DSCAM: variants seen among roughly 807,000 people sequenced by gnomAD.
DSCAM encodes DS cell adhesion molecule, also known as cell adhesion molecule DSCAM.
In DSCAM, 47 loss-of-function variants were observed where a neutral mutation model predicts 217.7. That is an observed-to-expected ratio of 0.22 (90% CI 0.17 to 0.28). The LOEUF (loss-of-function observed/expected upper bound fraction) is 0.28, where lower values mean the gene tolerates loss of function less well. Among genes scored for constraint, DSCAM ranks in the 10% least tolerant of loss-of-function variants. The probability of loss-of-function intolerance (pLI) is 1.00; values close to 1 mark genes in which losing one functional copy is unlikely to be tolerated. For missense variants in DSCAM, 2,080 were observed against 2,618.3 expected (o/e 0.79, Z 4.49); for synonymous variants, 1,056 against 1,015.3 (o/e 1.04, Z -0.76).
At chr21:40,124,002 T>C (rs1440120382) in intron 20 of DSCAM, among the ~76,000 whole-genome samples, 193 bp downstream of exon 20, 1 of 152,130 alleles carries the variant, frequency 6.6e-6, no homozygotes, top group Non-Finnish European at 1.5e-5. Context: ...CCCCTTGTCA[T>C]GATTCAGGAG....
intron 11 of DSCAM, among the ~76,000 whole-genome samples, chr21:40,249,093 G>A (rs1370081096): frequency 6.6e-6 from 1 of 152,184 alleles, no homozygotes; most frequent in Non-Finnish European, 1.5e-5. Context: ...TACAATTCTA[G>A]TAGAGATTTG....
intron 3 of DSCAM, among the ~76,000 whole-genome samples, chr21:40,426,446 A>G (rs967939548): frequency 1.3e-5 from 2 of 152,150 alleles, no homozygotes; most frequent in African/African-American, 4.8e-5. Context: ...CACGGCATCT[A>G]TGTGTCTATA....
intron 3 of DSCAM, chr21:40,618,686 A>G (rs1303546210): frequency 6.6e-6 from 1 of 152,020 alleles, no homozygotes; most frequent in African/African-American, 2.4e-5. Flanking sequence ...GTGGAGAAAC[A>G]AAAGAGGCTC....
intron 1 of DSCAM, among the ~76,000 whole-genome samples, chr21:40,713,251 T>A (rs2090802725): frequency 6.6e-6 from 1 of 152,164 alleles, no homozygotes; most frequent in Non-Finnish European, 1.5e-5. Flanking sequence ...TTTTCACTGG[T>A]GTCATATAGG....
Position 40,013,144 on chromosome 21 carries a change from C to T in DSCAM, c.5929G>A (p.Ala1977Thr), listed in dbSNP as rs1193299374. 6.2e-7 allele frequency: 1 copy of T among 1,613,322 alleles called. No homozygotes were observed. Among genetic ancestry groups the T allele is most frequent in the South Asian group, 1.1e-5 (1 of 90,860 alleles). The stretch of plus-strand genomic sequence containing the variant: ...ATTTTAGCTGCCTGTCCCAGCTCTG[C>T]TCCCTCCCGCTGAGGTAATGTGGCC... The part of the protein sequence containing the change: ...AVATLPQREG[A>T]ELGQAAKMSS... The change falls in exon 33 of 33, where the codon GCA becomes ACA. Residue 1977 changes from alanine (A) to threonine (T), a missense_variant. Ala to Thr is a moderately conservative substitution (Grantham distance 58). This residue lies in a region of DSCAM where 145 missense variants were observed against 138.5 expected (regional missense o/e 1.05). Coordinates refer to ENST00000400454, the MANE Select transcript of DSCAM (RefSeq NM_001389.5).
At chr21:40,817,999 G>A (rs934623601) in intron 1 of DSCAM, among the ~76,000 whole-genome samples, 1 of 150,072 alleles carries the variant, frequency 6.7e-6, no homozygotes, top group African/African-American at 2.5e-5. Context: ...GGGAGGCTGA[G>A]GCAGGAGAAT....
intron 3 of DSCAM, among the ~76,000 whole-genome samples, chr21:40,619,126 AAGTAG>A (rs1253626252): frequency 1.3e-5 from 2 of 152,226 alleles, no homozygotes; most frequent in Non-Finnish European, 2.9e-5. Flanking sequence ...CATTTAAAAA[AAGTAG>A]AGTAAATAGC....
intron 2 of DSCAM, among the ~76,000 whole-genome samples, chr21:40,705,580 GGAGA>G (rs1381098337): frequency 1.3e-5 from 2 of 152,184 alleles, no homozygotes; most frequent in South Asian, 2.1e-4. Context: ...CAGGGTGGCA[GGAGA>G]GAGAATGAAT....
chr21:40,197,094 C>T lies in DSCAM; in HGVS notation c.2357-7856G>A, dbSNP rs11911836. Among the ~76,000 whole-genome samples the T allele has an allele frequency of 4.0e-3, 609 of 151,876 alleles. 5 individuals carry two copies. The highest frequency in any genetic ancestry group is 0.014 in the African/African-American group (591 of 41,316). ...TTAATTTCTACTTGACATCTTCTCC[C>T]CTTTCTCCTTAATTTCTTTCTTTCT... On this transcript the variant is annotated intron_variant, in intron 11 of 32. Transcript: ENST00000400454.
chr21:40,799,480 A>G (rs1193815819), intron 1 of DSCAM, among the ~76,000 whole-genome samples: 1 of 152,216 alleles, frequency 6.6e-6, no homozygotes, highest in Non-Finnish European at 1.5e-5. Flanking sequence ...GTGGCTTTAA[A>G]CAATGCAGAT....
At chr21:40,596,793 A>T (rs1188330778) in intron 3 of DSCAM, among the ~76,000 whole-genome samples, 1 of 152,186 alleles carries the variant, frequency 6.6e-6, no homozygotes, top group Non-Finnish European at 1.5e-5. Context: ...ACCTGACCAC[A>T]TTACAGTTTT....
chr21:40,537,768 A>G (rs2146124846), intron 3 of DSCAM, among the ~76,000 whole-genome samples: 1 of 152,306 alleles, frequency 6.6e-6, no homozygotes, highest in South Asian at 2.1e-4. Flanking sequence ...ACTCTCTCTC[A>G]GCCTCAGAGG....
chr21:40,402,380 T>A (rs533470225), intron 3 of DSCAM, among the ~76,000 whole-genome samples: 5 of 152,050 alleles, frequency 3.3e-5, no homozygotes, highest in African/African-American at 1.2e-4. Flanking sequence ...AAATATATTA[T>A]TTTTAAGACA....
intron 28 of DSCAM, among the ~76,000 whole-genome samples, chr21:40,060,874 GA>G (rs2146516186): frequency 6.6e-6 from 1 of 152,152 alleles, no homozygotes; most frequent in Non-Finnish European, 1.5e-5. Context: ...TGTTTTATCA[GA>G]TCTGCTTAAC....
chr21:40,050,503 G>C (rs2088912512), intron 30 of DSCAM, among the ~76,000 whole-genome samples: 1 of 149,350 alleles, frequency 6.7e-6, no homozygotes, highest in Non-Finnish European at 1.5e-5. Flanking sequence ...TTTTTTTGGA[G>C]ACAGAGTCTC....
chr21:40,745,117 A>C (rs183407679), intron 1 of DSCAM, among the ~76,000 whole-genome samples: 18 of 152,264 alleles, frequency 1.2e-4, no homozygotes, highest in African/African-American at 3.6e-4. Context: ...CAGAGGAGAA[A>C]AATCTTTAAA....
intron 32 of DSCAM, among the ~76,000 whole-genome samples, chr21:40,027,204 C>T (rs2088408113): frequency 6.6e-6 from 1 of 152,384 alleles, no homozygotes; most frequent in East Asian, 1.9e-4. Flanking sequence ...GAATATTGGC[C>T]CCCACTCTCT....
In DSCAM at chr21:40,290,487, A is replaced by G. The variant is rs377421997; in HGVS notation, c.2182+5568T>C. 5.9e-4 allele frequency among the ~76,000 whole-genome samples: 90 copies of G among 152,250 alleles called. No individual in the cohort carries two copies. In the South Asian group the frequency reaches 8.9e-3, roughly 15 times the overall value. On this transcript the variant is annotated intron_variant, in intron 10 of 32. Transcript: ENST00000400454. ...AATACAAAAATTAGCTGGGCATGGT[A>G]GTGCATGGCTATAGTCCCAGCTGCT...
At chr21:40,082,367 G>A (rs1012299791) in intron 24 of DSCAM, among the ~76,000 whole-genome samples, 4 of 152,240 alleles carry the variant, frequency 2.6e-5, no homozygotes, top group Admixed American at 2.0e-4. Flanking sequence ...GGCTGAGGCA[G>A]GAGAATCACT....
Sources: allele counts gnomAD v4.1 joint callset (sites outside exome capture counted in the v4.1 genomes callset), GRCh38; gene constraint gnomAD v4.1.1; regional missense constraint gnomAD v4.1.1; transcripts MANE v1.5; gene names NCBI Gene and HGNC (gene_info 2026-07-23, HGNC 2026-07-21).